FRMD4A: variants seen among roughly 807,000 people sequenced by gnomAD.
FRMD4A encodes the protein FERM domain-containing protein 4A.
A neutral mutation model predicts 129.1 loss-of-function variants in FRMD4A; 29 were observed. That is an observed-to-expected ratio of 0.22 (90% CI 0.17 to 0.31). The LOEUF (loss-of-function observed/expected upper bound fraction) is 0.31, where lower values mean the gene tolerates loss of function less well. Ranked by LOEUF, FRMD4A falls within the 10% of genes least tolerant of loss-of-function variation. The probability of loss-of-function intolerance (pLI) is 1.00; values close to 1 mark genes in which losing one functional copy is unlikely to be tolerated. For missense variants in FRMD4A, 1,272 were observed against 1,375.8 expected (o/e 0.92, Z 1.19); for synonymous variants, 634 against 571.6 (o/e 1.11, Z -1.56).
At chr10:13,992,353 A>T (rs796195851) in intron 2 of FRMD4A, among the ~76,000 whole-genome samples, 18 of 152,242 alleles carry the variant, frequency 1.2e-4, no homozygotes, top group African/African-American at 4.3e-4. Flanking sequence ...TATATTTGAC[A>T]CATCTAACCG....
intron 2 of FRMD4A, among the ~76,000 whole-genome samples, chr10:13,949,319 G>A (rs11258746): frequency 0.44 from 54,608 of 123,226 alleles, 14,345 homozygotes; most frequent in East Asian, 0.79. Context: ...AAAAAAAAAA[G>A]AAAGAAAGAA....
intron 2 of FRMD4A, among the ~76,000 whole-genome samples, chr10:14,206,914 C>T (rs1842801592): frequency 6.6e-6 from 1 of 151,166 alleles, no homozygotes; most frequent in African/African-American, 2.4e-5. Flanking sequence ...ATGCAAAATG[C>T]TACAATATCT....
intron 3 of FRMD4A, among the ~76,000 whole-genome samples, chr10:13,826,643 C>G (rs577119405): frequency 6.6e-6 from 1 of 152,244 alleles, no homozygotes; most frequent in African/African-American, 2.4e-5. Flanking sequence ...CCCCATGGCT[C>G]TTGTGGATGA....
intron 2 of FRMD4A, among the ~76,000 whole-genome samples, chr10:14,150,546 T>TC (rs1206799291): frequency 2.6e-5 from 4 of 152,140 alleles, no homozygotes; most frequent in Non-Finnish European, 5.9e-5. Flanking sequence ...TCTCCCAGCC[T>TC]CCCCCAATCC....
Position 14,055,462 on chromosome 10 carries a change from A to AAC in FRMD4A, c.46-196552_46-196551dup, listed in dbSNP as rs71388155. Among the ~76,000 whole-genome samples the AAC allele has an allele frequency of 6.4e-3, 496 of 77,484 alleles. 5 individuals are homozygous for AAC. Among genetic ancestry groups the AAC allele is most frequent in the South Asian group, 0.018 (45 of 2,458 alleles). The allele number at this position is 77,484 out of a possible 152,430, so 50.8% of individuals were successfully genotyped here. On this transcript the variant is annotated intron_variant, in intron 2 of 24. Transcript: ENST00000357447. Reference sequence around the variant, plus strand: ...CTACACACACACACACACACACACAAACACACACACACACACACACACACA... The same window carrying AAC: ...CTACACACACACACACACACACACAAACACACACACACACACACACACACACA...
At chr10:14,023,120 C>A (rs1832835008) in intron 2 of FRMD4A, among the ~76,000 whole-genome samples, 1 of 152,060 alleles carries the variant, frequency 6.6e-6, no homozygotes, top group Non-Finnish European at 1.5e-5. Flanking sequence ...CTCATAAAGT[C>A]ATGACCCTGG....
Position 14,308,738 on chromosome 10 carries a change from C to T in FRMD4A, c.45+21320G>A, listed in dbSNP as rs372212838. Among the ~76,000 whole-genome samples the T allele has an allele frequency of 2.0e-4, 30 of 152,268 alleles. No individual in the cohort carries two copies. In the East Asian group the frequency reaches 5.2e-3, roughly 26 times the overall value. On this transcript the variant is annotated intron_variant, in intron 2 of 24. Transcript: ENST00000357447. ...TTTGTTTGAAAACAATGTCCTGATA[C>T]CCTGCTGTCTTCCCAGTAGGCCCAG...
intron 2 of FRMD4A, among the ~76,000 whole-genome samples, chr10:13,866,741 C>T (rs2094372425): frequency 6.6e-6 from 1 of 152,214 alleles, no homozygotes; most frequent in South Asian, 2.1e-4. Flanking sequence ...GGGCAGATCA[C>T]TTGAGGTCAA....
intron 2 of FRMD4A, among the ~76,000 whole-genome samples, chr10:14,260,382 A>C (rs1385116045): frequency 1.3e-5 from 2 of 152,214 alleles, no homozygotes; most frequent in East Asian, 3.8e-4. Flanking sequence ...TATTGACACC[A>C]CATGGTGGCT....
At chr10:14,196,624 T>C (rs745493381) in intron 2 of FRMD4A, among the ~76,000 whole-genome samples, 1 of 152,222 alleles carries the variant, frequency 6.6e-6, no homozygotes, top group Non-Finnish European at 1.5e-5. Flanking sequence ...AACACTGACA[T>C]CTATGTGGTT....
chr10:13,951,303 G>A (rs1276708467), intron 2 of FRMD4A, among the ~76,000 whole-genome samples: 6 of 152,152 alleles, frequency 3.9e-5, no homozygotes, highest in Admixed American at 2.6e-4. Context: ...AGTTGCACCT[G>A]ATGGCTAGTA....
chr10:13,701,939 C>G (rs907493150), intron 13 of FRMD4A, among the ~76,000 whole-genome samples: 2 of 152,182 alleles, frequency 1.3e-5, no homozygotes, highest in African/African-American at 2.4e-5. Context: ...TCTTATATAA[C>G]TAACCCAATG....
At chr10:13,866,940 TC>T (rs2094375186) in intron 2 of FRMD4A, among the ~76,000 whole-genome samples, 1 of 152,144 alleles carries the variant, frequency 6.6e-6, no homozygotes, top group African/African-American at 2.4e-5. Context: ...AGAGTGAAAC[TC>T]TGTCTCAAAA....
chr10:13,690,847 C>T (rs752122306), intron 15 of FRMD4A, among the ~76,000 whole-genome samples: 2 of 152,182 alleles, frequency 1.3e-5, no homozygotes, highest in African/African-American at 2.4e-5. Context: ...CGATGCTTAT[C>T]TATTAGGTGT....
intron 2 of FRMD4A, among the ~76,000 whole-genome samples, chr10:14,058,359 C>A (rs1834642247): frequency 6.6e-6 from 1 of 152,136 alleles, no homozygotes; most frequent in African/African-American, 2.4e-5. Context: ...TCAAAATATT[C>A]ATTTCTCATC....
At chr10:14,175,367 C>G (rs1462073648) in intron 2 of FRMD4A, among the ~76,000 whole-genome samples, 2 of 152,068 alleles carry the variant, frequency 1.3e-5, no homozygotes, top group African/African-American at 4.8e-5. Context: ...CAGGCTGGTC[C>G]CAGGCCCCTG....
At chr10:14,304,224 G>A (rs1846274903) in intron 2 of FRMD4A, among the ~76,000 whole-genome samples, 1 of 152,208 alleles carries the variant, frequency 6.6e-6, no homozygotes, top group South Asian at 2.1e-4. Context: ...TTTCCAAACA[G>A]CAGCTGCACC....
At chr10:13,810,686 G>A (rs1385369097) in intron 4 of FRMD4A, 128 bp downstream of exon 4, 3 of 486,752 alleles carry the variant, frequency 6.2e-6, no homozygotes, top group Non-Finnish European at 1.1e-5. Context: ...TGATGAACTT[G>A]GACTGACCCC....
chr10:13,765,148 G>A (rs1402433652), intron 6 of FRMD4A, among the ~76,000 whole-genome samples: 1 of 118,686 alleles, frequency 8.4e-6, no homozygotes, highest in Non-Finnish European at 1.6e-5. Flanking sequence ...GAGTCTCACT[G>A]TTGTCGTCCA....
Sources: allele counts gnomAD v4.1 joint callset (sites outside exome capture counted in the v4.1 genomes callset), GRCh38; gene constraint gnomAD v4.1.1; transcripts MANE v1.5; gene names NCBI Gene and HGNC (gene_info 2026-07-23, HGNC 2026-07-21).